The following POLR2F variants were observed in gnomAD, a reference collection of about 807,000 sequenced individuals.
The protein encoded by POLR2F is DNA-directed RNA polymerases I, II, and III subunit RPABC2.
POLR2F carries 12 observed loss-of-function variants against 22.7 expected under a neutral mutation model. That is an observed-to-expected ratio of 0.53 (90% CI 0.34 to 0.86). The LOEUF (loss-of-function observed/expected upper bound fraction) is 0.86, where lower values mean the gene tolerates loss of function less well. Ranked by LOEUF, POLR2F falls within the 40% of genes least tolerant of loss-of-function variation. The probability of loss-of-function intolerance (pLI) is 0.02; values close to 1 mark genes in which losing one functional copy is unlikely to be tolerated. For synonymous variants in POLR2F, 57 were observed against 66.0 expected, an observed-to-expected ratio of 0.86 and a Z score of 0.66; for missense variants, 126 against 171.5, an observed-to-expected ratio of 0.73 and a Z score of 1.48.
At chr22:37,993,181 G>A (rs928129788) in intron 1 of POLR2F, among the ~76,000 whole-genome samples, 13 of 152,316 alleles carry the variant, frequency 8.5e-5, no homozygotes, top group African/African-American at 3.1e-4. Context: ...AGGGTGGGCT[G>A]CACATGGCTC....
chr22:38,039,368 G>C (rs944128784), intron 5 of POLR2F, among the ~76,000 whole-genome samples: 4 of 152,166 alleles, frequency 2.6e-5, no homozygotes, highest in African/African-American at 9.7e-5. Flanking sequence ...CCCTGCCCAC[G>C]TCCCCTCACA....
At chr22:37,982,546 C>T (rs1932432588), upstream of POLR2F, among the ~76,000 whole-genome samples, 1 of 152,168 alleles carries the variant, frequency 6.6e-6, no homozygotes, top group Non-Finnish European at 1.5e-5. Flanking sequence ...CTGAGGGCCC[C>T]TGGGCAGGAA....
At chr22:38,018,496 C>T (rs1194318390) in intron 1 of POLR2F, among the ~76,000 whole-genome samples, 1 of 151,944 alleles carries the variant, frequency 6.6e-6, no homozygotes, top group African/African-American at 2.4e-5. Flanking sequence ...CAGGGTCAGG[C>T]CTCAGGCTTA....
upstream of POLR2F, among the ~76,000 whole-genome samples, chr22:37,983,048 T>C (rs1932449627): frequency 6.6e-6 from 1 of 152,206 alleles, no homozygotes; most frequent in Non-Finnish European, 1.5e-5. The surrounding 1 kb of genome is among the most constrained non-coding windows in gnomAD (Gnocchi z 9.5). Context: ...CAGGAGTTAG[T>C]GAAGGCCTCC....
chr22:38,036,323 G>A (rs2145835809), intron 5 of POLR2F, among the ~76,000 whole-genome samples: 1 of 152,010 alleles, frequency 6.6e-6, no homozygotes, highest in African/African-American at 2.4e-5. Flanking sequence ...GGCACCATGA[G>A]GCTGGTGGGG....
chr22:38,011,307 AT>A (rs2084870083), intron 1 of POLR2F, among the ~76,000 whole-genome samples: 1 of 151,168 alleles, frequency 6.6e-6, no homozygotes, highest in African/African-American at 2.4e-5. Flanking sequence ...GTTTTGCCAT[AT>A]TGCCCAGGCT....
intron 1 of POLR2F, among the ~76,000 whole-genome samples, chr22:38,011,866 T>G (rs983515946): frequency 3.3e-5 from 5 of 152,050 alleles, no homozygotes; most frequent in African/African-American, 9.7e-5. Flanking sequence ...AATTGATATC[T>G]CAGCAATGTT....
upstream of POLR2F, among the ~76,000 whole-genome samples, chr22:37,981,928 G>C (rs1378257698): frequency 6.6e-6 from 1 of 152,178 alleles, no homozygotes; most frequent in African/African-American, 2.4e-5. Flanking sequence ...GCAAACACAT[G>C]GCAAGAACAG....
Position 38,020,530 on chromosome 22 carries a change from A to G in POLR2F, c.121-5339A>G, listed in dbSNP as rs942690597. Among the ~76,000 whole-genome samples the G allele has an allele frequency of 4.8e-5, 7 of 146,538 alleles. No homozygotes were observed. The South Asian group carries it at 6.5e-4, about 14-fold the overall frequency. On this transcript the variant is annotated intron_variant, in intron 1 of 2. Transcript: ENST00000333418. ...CTGGTCCTGCCGGCCTCGGCCTCCC[A>G]AAGTGCTGGGATTACAGGCATAAGC...
chr22:37,983,313 C>T (rs770348083), upstream of POLR2F: 60 of 1,570,634 alleles, frequency 3.8e-5, no homozygotes, highest in Non-Finnish European at 5.0e-5. This position sits in a 1 kb window ranked among gnomAD's most constrained non-coding sequence, Gnocchi z 9.5. Flanking sequence ...CTGAATCCAC[C>T]CGAAGCTAGA....
chr22:38,018,932 C>T lies in POLR2F; in HGVS notation c.121-6937C>T, dbSNP rs117678742. ...CAGGATGGCTCGGGCACATGAAATC[C>T]CCCCGTCTCCAGGGAGAACCAGGCC... On this transcript the variant is annotated intron_variant, in intron 1 of 2. Coordinates refer to the POLR2F transcript ENST00000333418. Among the ~76,000 whole-genome samples the T allele has an allele frequency of 5.4e-4, 82 of 152,234 alleles. 1 individual carries two copies. In the East Asian group the frequency reaches 0.015, roughly 28 times the overall value.
At chr22:38,032,713 T>C (rs571795508) in intron 5 of POLR2F, 2 of 152,448 alleles carry the variant, frequency 1.3e-5, no homozygotes, top group East Asian at 3.9e-4. Context: ...ACGCCCCTCA[T>C]GCTGCCTGGA....
intron 1 of POLR2F, among the ~76,000 whole-genome samples, chr22:38,019,489 G>A: frequency 6.6e-6 from 1 of 152,166 alleles, no homozygotes; most frequent in Middle Eastern, 3.2e-3. Flanking sequence ...GACAGATGTG[G>A]TCATGACCCC....
chr22:38,041,156 T>C, downstream of POLR2F: 1 of 1,611,424 alleles, frequency 6.2e-7, no homozygotes, highest in Non-Finnish European at 8.5e-7. Flanking sequence ...AGAGCCAGGC[T>C]GGTGACTAGT....
chr22:38,015,398 G>A (rs759849999), intron 1 of POLR2F, among the ~76,000 whole-genome samples: 3 of 152,104 alleles, frequency 2.0e-5, no homozygotes, highest in African/African-American at 2.4e-5. Context: ...GTCTTCCTTC[G>A]TCTAGTTTGA....
intron 3 of POLR2F, among the ~76,000 whole-genome samples, chr22:37,960,089 C>T (rs1381445290): frequency 6.6e-6 from 1 of 152,164 alleles, no homozygotes; most frequent in Non-Finnish European, 1.5e-5. Context: ...CAGGTGAGAG[C>T]CACCGCGCCC....
chr22:38,039,401 G>A (rs921152147), intron 5 of POLR2F, among the ~76,000 whole-genome samples: 2 of 152,174 alleles, frequency 1.3e-5, no homozygotes, highest in Non-Finnish European at 2.9e-5. Context: ...GGGTGGGGAC[G>A]GCTGATGATG....
intron 5 of POLR2F, chr22:38,032,379 T>G (rs1052531631): frequency 7.9e-5 from 12 of 152,126 alleles, no homozygotes; most frequent in African/African-American, 2.7e-4. Context: ...AGCTCTGGAG[T>G]TCCACTGTTA....
chr22:37,998,087 C>A (rs1458314473), intron 1 of POLR2F, among the ~76,000 whole-genome samples: 1 of 152,164 alleles, frequency 6.6e-6, no homozygotes, highest in East Asian at 1.9e-4. Context: ...TTCTTCCCCT[C>A]CCGGGGCCTC....
Sources: gnomAD v4.1 joint callset for allele counts (sites outside exome capture counted in the v4.1 genomes callset) on GRCh38, gnomAD v4.1.1 for gene constraint, Gnocchi (gnomAD v3.1) non-coding constraint, MANE v1.5 for transcripts, NCBI Gene and HGNC (gene_info 2026-07-23, HGNC 2026-07-21) for gene names.